Variants in CACNA2D1 observed in about 807,000 individuals in gnomAD.
CACNA2D1 encodes calcium voltage-gated channel auxiliary subunit alpha2delta 1.
CACNA2D1 carries 53 observed loss-of-function variants against 171.5 expected under a neutral mutation model. The observed-to-expected ratio is 0.31, with a 90% CI of 0.25 to 0.39. CACNA2D1 has a LOEUF of 0.39. CACNA2D1 is among the 10% of genes least tolerant of loss of function. The pLI is 1.00. For missense variants in CACNA2D1, 903 were observed against 1,299.8 expected (o/e 0.69, Z 4.69); for synonymous variants, 442 against 443.1 (o/e 1.00, Z 0.03).
At position 82,116,221 on chromosome 7, in the gene CACNA2D1, G is replaced by T. The variant is rs140945329; in HGVS notation, c.526+823C>A. Among the ~76,000 whole-genome samples the T allele has an allele frequency of 6.7e-3, 1,020 of 152,270 alleles. 11 individuals are homozygous for T. Among genetic ancestry groups the T allele is most frequent in the African/African-American group, 0.024 (977 of 41,540 alleles). ...GGGTTAAAGAATAAATAATATGGAA[G>T]ACCAGGGATATGACTGAACAAATAC... On this transcript the variant is annotated intron_variant, in intron 6 of 38. Transcript: ENST00000356860.
At chr7:82,408,566 G>A (rs1827312090) in intron 1 of CACNA2D1, among the ~76,000 whole-genome samples, 1 of 152,056 alleles carries the variant, frequency 6.6e-6, no homozygotes, top group Non-Finnish European at 1.5e-5. Flanking sequence ...GATACACTTA[G>A]CACATACGGC....
rs1037093727 is a variant in CACNA2D1 at position 81,954,936 on chromosome 7, C to T, written c.3159+4339G>A. ...ACCTTAACACTCTTACACATTAACT[C>T]GTGAGATAGGTAGGTAGTAGTATAT... is the stretch of plus-strand genomic sequence containing the variant. On this transcript the variant is annotated intron_variant, in intron 38 of 38. Transcript: ENST00000356860. Among the ~76,000 whole-genome samples the T allele has an allele frequency of 8.7e-5, 13 of 148,864 alleles. 1 individual carries two copies. The highest frequency in any genetic ancestry group is 4.1e-4 in the East Asian group (2 of 4,888).
chr7:82,036,648 G>A (rs947265648), intron 11 of CACNA2D1, among the ~76,000 whole-genome samples: 7 of 152,118 alleles, frequency 4.6e-5, no homozygotes, highest in Non-Finnish European at 1.0e-4. Context: ...AGCTGGTCCT[G>A]TTTACTTCTA....
intron 38 of CACNA2D1, among the ~76,000 whole-genome samples, chr7:81,954,685 A>C (rs780534288): frequency 2.0e-5 from 3 of 152,128 alleles, no homozygotes; most frequent in Non-Finnish European, 4.4e-5. Context: ...AAGGTTTTTG[A>C]TCTTTTTTTC....
chr7:82,420,376 G>C (rs1245840622), intron 1 of CACNA2D1, among the ~76,000 whole-genome samples: 2 of 152,254 alleles, frequency 1.3e-5, no homozygotes, highest in Non-Finnish European at 2.9e-5. Flanking sequence ...TATTTTCCTG[G>C]CATCTACAAA....
intron 6 of CACNA2D1, 90 bp from the exon 7 acceptor site, chr7:82,084,990 G>T (rs1810276418): frequency 3.7e-6 from 4 of 1,089,186 alleles, no homozygotes; most frequent in Non-Finnish European, 5.5e-6. Context: ...TATTAAATAT[G>T]TTCATTGTTC....
At chr7:81,974,136 A>AC (rs1795586193) in intron 25 of CACNA2D1, among the ~76,000 whole-genome samples, 1 of 152,024 alleles carries the variant, frequency 6.6e-6, no homozygotes. Context: ...GCAAAATGCT[A>AC]TAAAAAAACC....
intron 4 of CACNA2D1, among the ~76,000 whole-genome samples, chr7:82,143,848 C>A (rs2129092528): frequency 6.6e-6 from 1 of 152,268 alleles, no homozygotes; most frequent in African/African-American, 2.4e-5. Context: ...AATTACACAC[C>A]AGTAAATCAG....
chr7:82,241,278 T>A (rs1402700529), intron 3 of CACNA2D1, among the ~76,000 whole-genome samples: 1 of 152,204 alleles, frequency 6.6e-6, no homozygotes, highest in Non-Finnish European at 1.5e-5. Context: ...TTATTAAAAA[T>A]AAAGCCATGT....
chr7:82,404,160 G>C (rs1251340295), intron 1 of CACNA2D1, among the ~76,000 whole-genome samples: 1 of 152,104 alleles, frequency 6.6e-6, no homozygotes, highest in African/African-American at 2.4e-5. Context: ...TCAAAATCTT[G>C]GATGGGAGTT....
At chr7:82,080,873 G>A (rs1311054556) in intron 7 of CACNA2D1, among the ~76,000 whole-genome samples, 1 of 152,194 alleles carries the variant, frequency 6.6e-6, no homozygotes, top group Admixed American at 6.5e-5. Context: ...AGAGAAAGCT[G>A]CATTTAGGCA....
intron 3 of CACNA2D1, among the ~76,000 whole-genome samples, chr7:82,266,281 C>T (rs562521897): frequency 6.6e-6 from 1 of 152,262 alleles, no homozygotes; most frequent in Admixed American, 6.5e-5. Flanking sequence ...ATCAAGTGGA[C>T]AGGCTACTTT....
rs199882379 is a variant in CACNA2D1, at chr7:81,991,133, CTT to C, written c.1796+50_1796+51del. The C allele has an allele frequency of 1.4e-3, 1,252 of 899,174 alleles. 24 individuals are homozygous for C. In the East Asian group the frequency reaches 0.028, roughly 20 times the overall value. 55.7% of individuals were successfully genotyped at this position (899,174 alleles called of 1,614,324 possible). ...GAAAATTCACTTGTGAAAATGCAGA[CTT>C]AATATTAATCCATTGGAATACACAA... On this transcript the variant is annotated intron_variant, in intron 21 of 38. Transcript: ENST00000356860.
At chr7:81,963,127 G>A (rs535194025) in intron 34 of CACNA2D1, among the ~76,000 whole-genome samples, 1 of 152,002 alleles carries the variant, frequency 6.6e-6, no homozygotes, top group East Asian at 1.9e-4. Flanking sequence ...GGGTCATGAT[G>A]AAATTTTAAA....
At chr7:82,273,647 C>A (rs572158175) in intron 3 of CACNA2D1, among the ~76,000 whole-genome samples, 1 of 152,140 alleles carries the variant, frequency 6.6e-6, no homozygotes, top group South Asian at 2.1e-4. Context: ...CCTACCATGC[C>A]TGGATTATTT....
At chr7:81,966,682 C>T (rs894558094) in intron 31 of CACNA2D1, among the ~76,000 whole-genome samples, 1 of 151,356 alleles carries the variant, frequency 6.6e-6, no homozygotes, top group African/African-American at 2.4e-5. Context: ...TAATACAAGA[C>T]ACCTTAAAAC....
intron 1 of CACNA2D1, among the ~76,000 whole-genome samples, chr7:82,402,839 T>C (rs953670584): frequency 1.3e-5 from 2 of 151,844 alleles, no homozygotes; most frequent in African/African-American, 4.8e-5. Flanking sequence ...AAGTTACGGG[T>C]TTTTTTAAAT....
chr7:82,024,089 G>A (rs1011376971), intron 12 of CACNA2D1, among the ~76,000 whole-genome samples: 5 of 151,100 alleles, frequency 3.3e-5, no homozygotes, highest in East Asian at 1.9e-4. Flanking sequence ...CCACATCTAG[G>A]CTATTTTGAA....
At chr7:82,411,003 T>G (rs1201202776) in intron 1 of CACNA2D1, among the ~76,000 whole-genome samples, 1 of 152,252 alleles carries the variant, frequency 6.6e-6, no homozygotes, top group Non-Finnish European at 1.5e-5. Flanking sequence ...TGTATTATTC[T>G]GGAAAACAAA....
Sources: allele counts gnomAD v4.1 joint callset (sites outside exome capture counted in the v4.1 genomes callset), GRCh38; gene constraint gnomAD v4.1.1; transcripts MANE v1.5; gene names NCBI Gene and HGNC (gene_info 2026-07-23, HGNC 2026-07-21).